The following RFX4 variants were observed in gnomAD, a reference collection of about 807,000 sequenced individuals.
RFX4 encodes the protein transcription factor RFX4.
RFX4 carries 10 observed loss-of-function variants against 95.0 expected under a neutral mutation model. That is an observed-to-expected ratio of 0.11 (90% CI 0.06 to 0.18). RFX4 has a LOEUF of 0.18. RFX4 is among the 10% of genes least tolerant of loss of function. The pLI, the probability that RFX4 is intolerant of heterozygous loss-of-function variation, is 1.00. For missense variants in RFX4, 640 were observed against 922.0 expected, an observed-to-expected ratio of 0.69 and a Z score of 3.96; for synonymous variants, 321 against 340.7, an observed-to-expected ratio of 0.94 and a Z score of 0.64.
intron 2 of RFX4, among the ~76,000 whole-genome samples, chr12:106,632,125 C>T (rs1462142789): frequency 6.6e-6 from 1 of 152,188 alleles, no homozygotes; most frequent in Admixed American, 6.5e-5. Context: ...AATTTGGCCC[C>T]AGAGTTTATG....
intron 1 of RFX4, chr12:106,601,358 G>C (rs7295853): frequency 0.14 from 213,710 of 1,571,800 alleles, 15,188 homozygotes; most frequent in South Asian, 0.17. Context: ...TAATGACCAG[G>C]GCCCAGGGAC....
chr12:106,693,045 C>A, intron 7 of RFX4: 1 of 388,522 alleles, frequency 2.6e-6, no homozygotes, highest in Non-Finnish European at 5.1e-6. Flanking sequence ...CTTTGATTCT[C>A]TCCTTTCCCT....
intron 4 of RFX4, among the ~76,000 whole-genome samples, chr12:106,664,419 T>C (rs931836053): frequency 1.3e-5 from 2 of 151,840 alleles, no homozygotes; most frequent in Non-Finnish European, 3.0e-5. Flanking sequence ...TCAATACTAA[T>C]ATTACTAATT....
At chr12:106,602,548 C>T (rs923308215) in intron 1 of RFX4, among the ~76,000 whole-genome samples, 2 of 152,208 alleles carry the variant, frequency 1.3e-5, no homozygotes, top group Admixed American at 6.5e-5. Flanking sequence ...TCTCTGTCTT[C>T]TCTTTCATGT....
chr12:106,590,936 C>T (rs1303204823), intron 1 of RFX4, among the ~76,000 whole-genome samples: 6 of 151,286 alleles, frequency 4.0e-5, no homozygotes, highest in African/African-American at 1.5e-4. Context: ...GAGAGTGAGA[C>T]TCTGTCTCAA....
intron 8 of RFX4, among the ~76,000 whole-genome samples, chr12:106,705,312 A>C (rs2042063516): frequency 6.6e-6 from 1 of 152,140 alleles, no homozygotes; most frequent in African/African-American, 2.4e-5. Flanking sequence ...ACGAGTGTGG[A>C]GTTAAGATGT....
intron 2 of RFX4, among the ~76,000 whole-genome samples, chr12:106,612,178 G>C (rs896613503): frequency 6.6e-6 from 1 of 152,102 alleles, no homozygotes; most frequent in African/African-American, 2.4e-5. Flanking sequence ...GTGTTGCATT[G>C]AATCTGTAGA....
chr12:106,659,203 C>G, intron 4 of RFX4, among the ~76,000 whole-genome samples: 1 of 152,046 alleles, frequency 6.6e-6, no homozygotes, highest in East Asian at 1.9e-4. Context: ...CTCACATCCA[C>G]TTCAAAACTC....
chr12:106,717,890 C>T (rs2042323742), intron 11 of RFX4, among the ~76,000 whole-genome samples: 1 of 152,184 alleles, frequency 6.6e-6, no homozygotes, highest in Non-Finnish European at 1.5e-5. Context: ...CAAAGGTCAG[C>T]TTGAGCAGGG....
chr12:106,601,268 T>C (rs367938065), intron 1 of RFX4: 518 of 1,585,546 alleles, frequency 3.3e-4, no homozygotes, highest in Non-Finnish European at 4.3e-4. Context: ...AGAAAGGGGC[T>C]GAGACAGAAT....
rs1485353381 is a variant in RFX4 at position 106,586,360 on chromosome 12, G to A, written c.43+2997G>A. Reference sequence around the variant, plus strand: ...GCAGCTACGTGTTTGTGGCCGCCGGGTCCAATCAGGGCTGCTCTGCCCGGG... The same window carrying A: ...GCAGCTACGTGTTTGTGGCCGCCGGATCCAATCAGGGCTGCTCTGCCCGGG... On this transcript the variant is annotated intron_variant, in intron 1 of 17. Transcript: ENST00000392842. The surrounding 1 kb of genome is among the most constrained non-coding windows in gnomAD (Gnocchi z 5.6). Among the ~76,000 whole-genome samples the A allele has an allele frequency of 6.6e-6, 1 of 152,154 alleles. No homozygotes were observed. The highest frequency in any genetic ancestry group is 1.9e-4 in the East Asian group (1 of 5,170).
In RFX4 at chr12:106,682,068, G is replaced by C; in HGVS notation, c.377+14G>C. On this transcript the variant is annotated intron_variant, in intron 5 of 17. Coordinates refer to ENST00000392842, the MANE Select transcript of RFX4 (RefSeq NM_213594.3). ...AGGACAGTCAAAGTAAGCACCGGAC[G>C]GCCATTCCACCTGCAGAGCGCACAT... The C allele has an allele frequency of 6.2e-7, 1 of 1,613,952 alleles. No individual in the cohort carries two copies. The highest frequency in any genetic ancestry group is 8.5e-7 in the Non-Finnish European group (1 of 1,179,902).
At chr12:106,632,549 C>T (rs182355484) in intron 2 of RFX4, among the ~76,000 whole-genome samples, 2 of 152,254 alleles carry the variant, frequency 1.3e-5, no homozygotes, top group African/African-American at 4.8e-5. Flanking sequence ...GGTAAGGTTG[C>T]TGCTCCTCCT....
chr12:106,679,082 G>A (rs2041451641), intron 4 of RFX4, among the ~76,000 whole-genome samples: 1 of 152,200 alleles, frequency 6.6e-6, no homozygotes. Flanking sequence ...TCAGCCATCT[G>A]AGTATTCCAG....
At chr12:106,749,062 C>T (rs1260405754) in intron 16 of RFX4, among the ~76,000 whole-genome samples, 3 of 140,558 alleles carry the variant, frequency 2.1e-5, no homozygotes, top group Non-Finnish European at 4.6e-5. Flanking sequence ...TCCAGCCTGG[C>T]GACAGAGGGA....
intron 17 of RFX4, among the ~76,000 whole-genome samples, chr12:106,760,961 A>T (rs914026186): frequency 6.6e-6 from 1 of 152,144 alleles, no homozygotes; most frequent in African/African-American, 2.4e-5. Flanking sequence ...ACAGAAAGCC[A>T]GTATAACCGC....
intron 15 of RFX4, among the ~76,000 whole-genome samples, chr12:106,739,307 G>A (rs777740424): frequency 6.6e-5 from 10 of 152,088 alleles, no homozygotes; most frequent in Non-Finnish European, 1.3e-4. Flanking sequence ...GACTTGTTGA[G>A]AATCAAGGCC....
chr12:106,754,056 A>AG (rs1240347913), intron 17 of RFX4, among the ~76,000 whole-genome samples: 9 of 152,206 alleles, frequency 5.9e-5, no homozygotes, highest in African/African-American at 2.2e-4. Context: ...CTTGTCTCTG[A>AG]GGGAGGACAC....
chr12:106,668,482 C>T (rs2041219848), intron 4 of RFX4, among the ~76,000 whole-genome samples: 1 of 152,178 alleles, frequency 6.6e-6, no homozygotes, highest in Non-Finnish European at 1.5e-5. Flanking sequence ...GTCCCAGCTA[C>T]TCAGGCACGA....
Sources: gnomAD v4.1 joint callset for allele counts (sites outside exome capture counted in the v4.1 genomes callset) on GRCh38, gnomAD v4.1.1 for gene constraint, Gnocchi (gnomAD v3.1) non-coding constraint, MANE v1.5 for transcripts, NCBI Gene and HGNC (gene_info 2026-07-23, HGNC 2026-07-21) for gene names.